The following NKAIN4 variants were observed in gnomAD, a reference collection of about 807,000 sequenced individuals.
NKAIN4 encodes sodium/potassium transporting ATPase interacting 4.
In NKAIN4, 28 loss-of-function variants were observed where a neutral mutation model predicts 28.8. That is an observed-to-expected ratio of 0.97 (90% CI 0.72 to 1.33). The LOEUF (loss-of-function observed/expected upper bound fraction) is 1.33, where lower values mean the gene tolerates loss of function less well. Among genes scored for constraint, NKAIN4 ranks in the 40% most tolerant of loss-of-function variants. The probability of loss-of-function intolerance (pLI) is 0.00; values close to 1 mark genes in which losing one functional copy is unlikely to be tolerated. For synonymous variants in NKAIN4, 122 were observed against 115.6 expected (o/e 1.06, Z -0.36); for missense variants, 289 against 277.2 (o/e 1.04, Z -0.30).
intron 1 of NKAIN4, 89 bp downstream of exon 1, chr20:63,254,308 C>T: frequency 1.8e-6 from 2 of 1,101,928 alleles, no homozygotes; most frequent in South Asian, 1.9e-5. Flanking sequence ...CGAACGGGCC[C>T]CGGGGCGGAG....
chr20:63,246,616 C>T, intron 4 of NKAIN4: 1 of 985,310 alleles, frequency 1.0e-6, no homozygotes, highest in Non-Finnish European at 1.2e-6. Context: ...CTCCTGGAAG[C>T]CCCAGGTCCA....
chr20:63,243,927 G>A (rs1413180619), intron 5 of NKAIN4, 97 bp downstream of exon 5: 2 of 1,004,762 alleles, frequency 2.0e-6, no homozygotes, highest in Non-Finnish European at 3.0e-6. Flanking sequence ...CCTTCCAAGT[G>A]GGGAGGTCTC....
At chr20:63,244,458 C>A (rs1484267764) in intron 4 of NKAIN4, 2 of 483,716 alleles carry the variant, frequency 4.1e-6, no homozygotes, top group Non-Finnish European at 8.4e-6. Context: ...TGCGTCCCCT[C>A]GGGCCTCTTG....
In NKAIN4 at chr20:63,252,187, A is replaced by G. The variant is rs1006726024; in HGVS notation, c.55-2115T>C. ...AAGGCTCCCAGAGGCTCAGGGCTCC[A>G]TGACATGTGGCGACATGCATGAGCA... On this transcript the variant is annotated intron_variant, in intron 1 of 6. Transcript: ENST00000370316. This position sits in a 1 kb window ranked among gnomAD's most constrained non-coding sequence, Gnocchi z 4.6. Among the ~76,000 whole-genome samples the G allele has an allele frequency of 6.6e-6, 1 of 152,178 alleles. No individual in the cohort carries two copies. Among genetic ancestry groups the G allele is most frequent in the African/African-American group, 2.4e-5 (1 of 41,436 alleles).
rs2066749806 is a variant in NKAIN4 at position 63,241,489 on chromosome 20, T to C, written c.*8A>G. ...AGGCCACAGGAGCAGGATCAGCTGT[T>C]TCCTCACTTACGCAGGCCTGTGGGG... is the stretch of plus-strand genomic sequence containing the variant. On this transcript the variant is annotated 3_prime_UTR_variant, in exon 7 of 7. Transcript: ENST00000370316. 2 of 1,550,458 alleles carry C rather than the reference T, an allele frequency of 1.3e-6. No homozygotes were observed. Among genetic ancestry groups the C allele is most frequent in the Non-Finnish European group, 8.7e-7 (1 of 1,146,948 alleles).
chr20:63,254,337 C>T (rs2123146362), intron 1 of NKAIN4, 60 bp downstream of exon 1: 1 of 1,338,322 alleles, frequency 7.5e-7, no homozygotes, highest in Admixed American at 3.1e-5. Context: ...CGGGACCCCA[C>T]AGCCGCCGTG....
upstream of NKAIN4, chr20:63,254,517 C>G (rs1409526823): frequency 3.5e-6 from 4 of 1,146,292 alleles, no homozygotes; most frequent in East Asian, 1.3e-4. Flanking sequence ...TCCGCCCGCT[C>G]CCCACGCGCC....
At chr20:63,251,659 T>A (rs2066961280) in intron 1 of NKAIN4, among the ~76,000 whole-genome samples, 1 of 152,212 alleles carries the variant, frequency 6.6e-6, no homozygotes, top group Admixed American at 6.5e-5. Flanking sequence ...GGCCTGGTTT[T>A]TCCTAGATTA....
intron 4 of NKAIN4, chr20:63,247,107 G>A: frequency 9.6e-7 from 1 of 1,042,170 alleles, no homozygotes; most frequent in South Asian, 3.3e-5. Flanking sequence ...CATACGCCAG[G>A]GTTCCCGACA....
intron 5 of NKAIN4, 56 bp from the exon 6 acceptor site, chr20:63,242,679 G>A: frequency 1.4e-6 from 2 of 1,431,254 alleles, no homozygotes; most frequent in Non-Finnish European, 9.8e-7. Context: ...AAAGATGTCA[G>A]AGTGGAAAAC....
intron 4 of NKAIN4, chr20:63,246,923 T>C: frequency 1.0e-6 from 1 of 985,758 alleles, no homozygotes. Flanking sequence ...AGTGGCCGTG[T>C]GGCCATACCA....
rs2066927853 is a variant in NKAIN4, at chr20:63,250,003, C to T, written c.124G>A (p.Val42Ile). Residue 42 changes from valine (V) to isoleucine (I), a missense_variant, in exon 2 of 7, where the codon GTC becomes ATC. Coordinates refer to ENST00000370316, the MANE Select transcript of NKAIN4 (RefSeq NM_152864.4). Reference protein sequence around the residue: ...YQWAPILANFVHIIIVILGLF... With the variant: ...YQWAPILANFIHIIIVILGLF... ...CCCAGGATGACGATGATGATGTGGA[C>T]AAAGTTGGCCAGGATGGGCGCCCAC... is the stretch of plus-strand genomic sequence containing the variant. 7 of 1,612,042 alleles carry T rather than the reference C, an allele frequency of 4.3e-6. No homozygotes were observed. Among genetic ancestry groups the T allele is most frequent in the East Asian group, 2.2e-5 (1 of 44,786 alleles).
Position 63,252,195 on chromosome 20 carries a change from T to A in NKAIN4, c.55-2123A>T, listed in dbSNP as rs2066972565. Among the ~76,000 whole-genome samples, 1 of 152,112 alleles carries A rather than the reference T, an allele frequency of 6.6e-6. No homozygotes were observed. The highest frequency in any genetic ancestry group is 1.5e-5 in the Non-Finnish European group (1 of 68,004). On this transcript the variant is annotated intron_variant, in intron 1 of 6. Coordinates refer to ENST00000370316, the MANE Select transcript of NKAIN4 (RefSeq NM_152864.4). The surrounding 1 kb of genome is among the most constrained non-coding windows in gnomAD (Gnocchi z 4.6). ...CAGAGGCTCAGGGCTCCATGACATGTGGCGACATGCATGAGCAGGGAGGCT... is the reference window on the plus strand; with the variant it reads ...CAGAGGCTCAGGGCTCCATGACATGAGGCGACATGCATGAGCAGGGAGGCT...
chr20:63,248,427 A>C, intron 3 of NKAIN4: 2 of 193,264 alleles, frequency 1.0e-5, no homozygotes, highest in Non-Finnish European at 1.1e-5. Flanking sequence ...CCTGCATTGC[A>C]GGAGGCACGA....
chr20:63,254,417 C>A lies in NKAIN4; in HGVS notation c.34G>T (p.Val12Phe). The A allele has an allele frequency of 6.9e-7, 1 of 1,444,824 alleles. No individual in the cohort carries two copies. The highest frequency in any genetic ancestry group is 9.1e-7 in the Non-Finnish European group (1 of 1,099,680). The allele number at this position is 1,444,824 out of a possible 1,614,324, so 89.5% of individuals were successfully genotyped here. ...CTCACCAGCTGAAAAGCGCAGAGGA[C>A]GACGAGCGCGCAGCGGCCGGAGCAG... ...GSCSGRCALV[V>F]LCAFQLVAAL... The change falls in exon 1 of 7, where the codon GTC becomes TTC. Residue 12 changes from valine to phenylalanine, a missense_variant. By Grantham distance (50) the Val-to-Phe change is conservative (BLOSUM62 -1). Transcript: ENST00000370316.
intron 3 of NKAIN4, 199 bp downstream of exon 3, chr20:63,248,616 C>T: frequency 1.8e-6 from 1 of 550,622 alleles, no homozygotes; most frequent in South Asian, 2.2e-5. Context: ...TTTCACCAAT[C>T]AAATCACTGG....
chr20:63,243,219 G>C (rs1431024521), intron 5 of NKAIN4, among the ~76,000 whole-genome samples: 1 of 152,212 alleles, frequency 6.6e-6, no homozygotes, highest in Non-Finnish European at 1.5e-5. Flanking sequence ...GATGGTTTAG[G>C]ATCAGCAGCA....
In NKAIN4 at chr20:63,247,646, C is replaced by G. The variant is rs1233842365; in HGVS notation, c.403G>C (p.Gly135Arg). 1.3e-6 allele frequency: 2 copies of G among 1,547,996 alleles called. No homozygotes were observed. The highest frequency in any genetic ancestry group is 1.7e-6 in the Non-Finnish European group (2 of 1,145,630). The change falls in exon 4 of 7, where the codon GGT becomes CGT. Residue 135 changes from glycine (G) to arginine (R), a missense_variant. Transcript: ENST00000370316. ...GAPHGQALVSGAGCALEPSYV... is the reference protein window; with the variant it reads ...GAPHGQALVSRAGCALEPSYV... ...CTGGGCTCCAGGGCACAGCCAGCAC[C>G]TGACACCAGGGCCTGGCCATGGGGG...
At position 63,252,861 on chromosome 20, in the gene NKAIN4, G is replaced by A. The variant is rs762538954; in HGVS notation, c.54+1536C>T. On this transcript the variant is annotated intron_variant, in intron 1 of 6. Coordinates refer to ENST00000370316, the MANE Select transcript of NKAIN4 (RefSeq NM_152864.4). The surrounding 1 kb of genome is among the most constrained non-coding windows in gnomAD (Gnocchi z 4.6). ...CCCCACCCGCCCCTCTGCACCCTGA[G>A]GTCACATCCGACCAGCACAGTCGTG... Among the ~76,000 whole-genome samples the A allele has an allele frequency of 4.6e-5, 7 of 152,106 alleles. No homozygotes were observed. Among genetic ancestry groups the A allele is most frequent in the Non-Finnish European group, 8.8e-5 (6 of 68,026 alleles).
Sources: allele counts gnomAD v4.1 joint callset (sites outside exome capture counted in the v4.1 genomes callset), GRCh38; gene constraint gnomAD v4.1.1; non-coding constraint Gnocchi (gnomAD v3.1); transcripts MANE v1.5; gene names NCBI Gene and HGNC (gene_info 2026-07-23, HGNC 2026-07-21).